The following NAA25 variants were observed in gnomAD, a reference collection of about 807,000 sequenced individuals.
The protein encoded by NAA25 is N-terminal acetyltransferase B complex subunit NAA25.
NAA25 carries 30 observed loss-of-function variants against 132.5 expected under a neutral mutation model. The observed-to-expected ratio is 0.23, with a 90% confidence interval of 0.17 to 0.31. NAA25 has a LOEUF of 0.31. Among genes scored for constraint, NAA25 ranks in the 10% least tolerant of loss-of-function variants. The pLI is 1.00. For missense variants in NAA25, 771 were observed against 1,150.4 expected (o/e 0.67, Z 4.77); for synonymous variants, 359 against 401.9 (o/e 0.89, Z 1.28).
Position 112,068,907 on chromosome 12 carries a change from G to A in NAA25, c.1122C>T (p.Asp374=). ...CCFTDLKVFV[D]LLPATQCTKF... ...TTGTACACTGTGTAGCAGGTAAGAG[G>A]TCAACAAACACCTTAAGGTCTGTAA... is the stretch of plus-strand genomic sequence containing the variant. The change falls in exon 11 of 24, where the codon GAC becomes GAT. Residue 374 remains aspartate (D), a synonymous_variant. Coordinates refer to ENST00000261745, the MANE Select transcript of NAA25 (RefSeq NM_024953.4). 2 of 1,611,758 alleles carry A rather than the reference G, an allele frequency of 1.2e-6. No homozygotes were observed. The highest frequency in any genetic ancestry group is 1.7e-6 in the Non-Finnish European group (2 of 1,178,226).
intron 22 of NAA25, chr12:112,035,232 G>A (rs1210485379): frequency 6.6e-6 from 1 of 152,126 alleles, no homozygotes; most frequent in South Asian, 2.1e-4. Flanking sequence ...CACTACAAAA[G>A]ACAATTCCCA....
chr12:112,087,584 T>C (rs1566028522), intron 4 of NAA25, 99 bp downstream of exon 4: 2 of 751,602 alleles, frequency 2.7e-6, no homozygotes, highest in Non-Finnish European at 2.2e-6. Flanking sequence ...TAAATTCAAT[T>C]CTACACACAC....
intron 1 of NAA25, 37 bp downstream of exon 1, chr12:112,108,679 C>G: frequency 7.0e-7 from 1 of 1,437,638 alleles, no homozygotes; most frequent in Non-Finnish European, 9.2e-7. Context: ...GCCCTCGGCG[C>G]GTCGGGCTGG....
In NAA25 at chr12:112,027,075, TCTTAA is replaced by T. The variant is rs1565991661; in HGVS notation, c.*2451_*2455del. 1 of 152,504 alleles carries T rather than the reference TCTTAA, an allele frequency of 6.6e-6. No homozygotes were observed. The highest frequency in any genetic ancestry group is 1.5e-5 in the Non-Finnish European group (1 of 68,014). The allele number at this position is 152,504 out of a possible 1,614,324, so 9.4% of individuals were successfully genotyped here. A position where few individuals can be genotyped will look rare whatever the true frequency, so the allele number is the denominator to read the frequency against. On this transcript the variant is annotated 3_prime_UTR_variant, in exon 24 of 24. Coordinates refer to ENST00000261745, the MANE Select transcript of NAA25 (RefSeq NM_024953.4). The stretch of plus-strand genomic sequence containing the variant: ...TAAACCAAATGTTTGCTTTGGAGAG[TCTTAA>T]CTTAGGATCTCAGTAGTATAAAAAG...
In NAA25 at chr12:112,090,869, T is replaced by C. The variant is rs1566030746; in HGVS notation, c.145-5A>G. On this transcript the variant is annotated splice_polypyrimidine_tract_variant and splice_region_variant and intron_variant, in intron 2 of 23. Coordinates refer to ENST00000261745, the MANE Select transcript of NAA25 (RefSeq NM_024953.4). ...TAAACCAATTGCCTTTAAAACCTGA[T>C]AGCAACAAAAGAAAAATCAGTTTTT... 1.9e-6 allele frequency: 3 copies of C among 1,587,230 alleles called. No homozygotes were observed. The highest frequency in any genetic ancestry group is 1.9e-5 in the Admixed American group (1 of 51,316).
chr12:112,043,832 C>G lies in NAA25; in HGVS notation c.2043G>C (p.Glu681Asp). 1 of 1,614,062 alleles carries G rather than the reference C, an allele frequency of 6.2e-7. No individual in the cohort carries two copies. Among genetic ancestry groups the G allele is most frequent in the South Asian group, 1.1e-5 (1 of 91,080 alleles). Residue 681 changes from glutamate (E) to aspartate (D), a missense_variant, in exon 18 of 24, where the codon GAG (glutamate) becomes GAC (aspartate). Physicochemically the swap from Glu to Asp is conservative, Grantham distance 45 (BLOSUM62 2). Coordinates refer to ENST00000261745, the MANE Select transcript of NAA25 (RefSeq NM_024953.4). ...GGATTCTTAACCACAAGGTCTCCTC[C>G]TCTAAGGAAAGTTTCTTATGTTCTT... ...VSEEHKKLSL[E>D]EETLWLRIRS...
Position 112,093,062 on chromosome 12 carries a change from G to A in NAA25, c.133C>T (p.His45Tyr), listed in dbSNP as rs758039726. The A allele has an allele frequency of 3.1e-6, 5 of 1,610,088 alleles. No individual in the cohort carries two copies. The highest frequency in any genetic ancestry group is 4.2e-6 in the Non-Finnish European group (5 of 1,176,954). ...DKLLKKHKDL[H>Y]CAKVLKAIGL... Reference sequence around the variant, plus strand: ...GCAAATGAAGTTACCTTAGCACAATGAAGATCCTTATGTTTCTTCAACAGT... The same window carrying A: ...GCAAATGAAGTTACCTTAGCACAATAAAGATCCTTATGTTTCTTCAACAGT... Residue 45 changes from histidine to tyrosine, a missense_variant, in exon 2 of 24, where the codon CAT becomes TAT. By Grantham distance (83) the His-to-Tyr change is moderately conservative (BLOSUM62 2). Transcript: ENST00000261745.
chr12:112,101,790 G>A (rs922817098), intron 1 of NAA25, among the ~76,000 whole-genome samples: 1 of 150,870 alleles, frequency 6.6e-6, no homozygotes, highest in African/African-American at 2.4e-5. Context: ...ATAATACAAA[G>A]TGATCACAAC....
intron 11 of NAA25, among the ~76,000 whole-genome samples, chr12:112,066,964 G>A (rs1261304704): frequency 3.3e-5 from 5 of 152,264 alleles, no homozygotes; most frequent in East Asian, 1.9e-4. Flanking sequence ...CTGGGAGAAC[G>A]GATGATGGCA....
chr12:112,071,092 C>G (rs937385084), intron 10 of NAA25, among the ~76,000 whole-genome samples: 11 of 152,154 alleles, frequency 7.2e-5, no homozygotes, highest in African/African-American at 2.4e-4. Context: ...CCATGTTGGC[C>G]AGGCTGGTCT....
At chr12:112,086,081 C>T (rs1402944070) in intron 4 of NAA25, among the ~76,000 whole-genome samples, 32 of 107,710 alleles carry the variant, frequency 3.0e-4, no homozygotes, top group South Asian at 6.9e-4. Flanking sequence ...TATACACACA[C>T]ACACACACAC....
intron 1 of NAA25, among the ~76,000 whole-genome samples, chr12:112,106,290 T>C (rs1242781955): frequency 2.0e-5 from 3 of 152,186 alleles, no homozygotes; most frequent in African/African-American, 7.2e-5. Context: ...GTCAAAACAC[T>C]ATTAATTCTA....
At chr12:112,054,912 G>A (rs2078522082) in intron 13 of NAA25, among the ~76,000 whole-genome samples, 1 of 152,130 alleles carries the variant, frequency 6.6e-6, no homozygotes, top group Non-Finnish European at 1.5e-5. Flanking sequence ...TGCCCCTGCA[G>A]GATTTCCTCT....
rs1220877816 is a variant in NAA25, at chr12:112,049,898, T to C, written c.1729-1455A>G. Among the ~76,000 whole-genome samples the C allele has an allele frequency of 6.6e-6, 1 of 152,120 alleles. No individual in the cohort carries two copies. The highest frequency in any genetic ancestry group is 2.4e-5 in the African/African-American group (1 of 41,426). On this transcript the variant is annotated intron_variant, in intron 15 of 23. Transcript: ENST00000261745. The surrounding 1 kb of genome is among the most constrained non-coding windows in gnomAD (Gnocchi z 4.7). ...TGGTTAGGAACACATGATTCAGTAA[T>C]TAATCAAAAAGAAAATATGACTTTA...
Position 112,043,830 on chromosome 12 carries a change from T to C in NAA25, c.2045A>G (p.Glu682Gly), listed in dbSNP as rs1382262037. ...SEEHKKLSLE[E>G]ETLWLRIRSL... The stretch of plus-strand genomic sequence containing the variant: ...TCGGATTCTTAACCACAAGGTCTCC[T>C]CCTCTAAGGAAAGTTTCTTATGTTC... The change falls in exon 18 of 24, where the codon GAG (glutamate) becomes GGG (glycine). Residue 682 changes from glutamate (E) to glycine (G), a missense_variant. Glu to Gly is a moderately conservative substitution (Grantham distance 98, BLOSUM62 -2). This residue lies in a region of NAA25 where 324 missense variants were observed against 400.0 expected (regional missense o/e 0.81). Transcript: ENST00000261745. 6.2e-7 allele frequency: 1 copy of C among 1,614,026 alleles called. No homozygotes were observed. The highest frequency in any genetic ancestry group is 8.5e-7 in the Non-Finnish European group (1 of 1,179,902).
intron 11 of NAA25, chr12:112,063,820 G>A (rs2078673100): frequency 6.6e-6 from 1 of 152,186 alleles, no homozygotes; most frequent in Admixed American, 6.5e-5. Context: ...ATTTGCATCT[G>A]TTGAGCTGGA....
At chr12:112,100,530 C>T (rs1047685060) in intron 1 of NAA25, among the ~76,000 whole-genome samples, 1 of 151,928 alleles carries the variant, frequency 6.6e-6, no homozygotes, top group Non-Finnish European at 1.5e-5. Context: ...ACATGCACAC[C>T]TTATCACTCT....
Position 112,029,265 on chromosome 12 carries a change from A to T in NAA25, c.*266T>A, listed in dbSNP as rs1466298736. Reference sequence around the variant, plus strand: ...TGTTTCTGGTGATGGGAAGAAGAAAAGTAGGGTTCTCTTGTTGCTGCCATA... The same window carrying T: ...TGTTTCTGGTGATGGGAAGAAGAAATGTAGGGTTCTCTTGTTGCTGCCATA... On this transcript the variant is annotated 3_prime_UTR_variant, in exon 24 of 24. Transcript: ENST00000261745. 4 of 388,476 alleles carry T rather than the reference A, an allele frequency of 1.0e-5. No individual in the cohort carries two copies. The highest frequency in any genetic ancestry group is 1.9e-5 in the Non-Finnish European group (4 of 216,116). The allele number at this position is 388,476 out of a possible 1,614,324, so 24.1% of individuals were successfully genotyped here. A position where few individuals can be genotyped will look rare whatever the true frequency, so the allele number is the denominator to read the frequency against.
At chr12:112,092,068 G>A (rs865780344) in intron 2 of NAA25, among the ~76,000 whole-genome samples, 8 of 151,944 alleles carry the variant, frequency 5.3e-5, no homozygotes, top group South Asian at 2.1e-4. Flanking sequence ...GTGAAACCCC[G>A]TCTCTACTAA....
Sources: allele counts gnomAD v4.1 joint callset (sites outside exome capture counted in the v4.1 genomes callset), GRCh38; gene constraint gnomAD v4.1.1; regional missense constraint gnomAD v4.1.1; non-coding constraint Gnocchi (gnomAD v3.1); transcripts MANE v1.5; gene names NCBI Gene and HGNC (gene_info 2026-07-23, HGNC 2026-07-21).